The following YTHDC2 variants were observed in gnomAD, a reference collection of about 807,000 sequenced individuals.
The protein encoded by YTHDC2 is YTH N6-methyladenosine RNA binding protein C2.
Under a neutral mutation model 174.9 loss-of-function variants are expected in YTHDC2, and 45 were observed. That is an observed-to-expected ratio of 0.26 (90% CI 0.20 to 0.33). YTHDC2 has a LOEUF of 0.33. Among genes scored for constraint, YTHDC2 ranks in the 10% least tolerant of loss-of-function variants. The probability of loss-of-function intolerance (pLI) is 1.00; values close to 1 mark genes in which losing one functional copy is unlikely to be tolerated. For missense variants in YTHDC2, 1,650 were observed against 1,723.7 expected, an observed-to-expected ratio of 0.96 and a Z score of 0.76; for synonymous variants, 657 against 574.5, an observed-to-expected ratio of 1.14 and a Z score of -2.05.
At chr5:113,552,769 T>C (rs2112668694) in intron 12 of YTHDC2, among the ~76,000 whole-genome samples, 1 of 152,264 alleles carries the variant, frequency 6.6e-6, no homozygotes, top group African/African-American at 2.4e-5. Flanking sequence ...CCATTTTACA[T>C]TTCCACCAGC....
Position 113,541,018 on chromosome 5 carries a change from A to T in YTHDC2, c.1261A>T (p.Ser421Cys). 2 of 1,614,152 alleles carry T rather than the reference A, an allele frequency of 1.2e-6. No individual in the cohort carries two copies. Among genetic ancestry groups the T allele is most frequent in the Non-Finnish European group, 1.7e-6 (2 of 1,180,004 alleles). Reference sequence around the variant, plus strand: ...AGAATGGTACTCAGCTCAAGAAAATAGTTTCAAGCCTGAATCTCAGAGGCA... The same window carrying T: ...AGAATGGTACTCAGCTCAAGAAAATTGTTTCAAGCCTGAATCTCAGAGGCA... Reference protein sequence around the residue: ...LTEWYSAQENSFKPESQRQRT... With the variant: ...LTEWYSAQENCFKPESQRQRT... Residue 421 changes from serine to cysteine, a missense_variant, in exon 9 of 30, where the codon AGT becomes TGT. Physicochemically the swap from Ser to Cys is moderately radical, Grantham distance 112 (BLOSUM62 -1). Around this residue, in one of 5 missense-constraint regions of YTHDC2, gnomAD observed 411 missense variants for 380.6 expected, o/e 1.08. Transcript: ENST00000161863.
chr5:113,517,615 C>T, intron 2 of YTHDC2: 1 of 456,284 alleles, frequency 2.2e-6, no homozygotes, highest in South Asian at 1.5e-5. Flanking sequence ...CAAGGCAATC[C>T]TGCCTATTTA....
intron 12 of YTHDC2, among the ~76,000 whole-genome samples, chr5:113,551,942 C>T (rs1455839574): frequency 6.6e-6 from 1 of 152,020 alleles, no homozygotes; most frequent in Non-Finnish European, 1.5e-5. Flanking sequence ...GATGAAGAAG[C>T]AAGGCATTTA....
At chr5:113,529,018 A>G (rs1182494056) in intron 4 of YTHDC2, among the ~76,000 whole-genome samples, 2 of 150,662 alleles carry the variant, frequency 1.3e-5, no homozygotes, top group African/African-American at 4.9e-5. Context: ...ATAATTTTGC[A>G]TCTTGATTTT....
chr5:113,532,818 A>T lies in YTHDC2; in HGVS notation c.676-61A>T, dbSNP rs1243354415. 5.5e-6 allele frequency: 8 copies of T among 1,465,794 alleles called. No homozygotes were observed. The East Asian group carries it at 1.6e-4, about 30-fold the overall frequency. The allele number at this position is 1,465,794 out of a possible 1,614,324, so 90.8% of individuals were successfully genotyped here. A position where few individuals can be genotyped will look rare whatever the true frequency, so the allele number is the denominator to read the frequency against. On this transcript the variant is annotated intron_variant, in intron 4 of 29. Coordinates refer to ENST00000161863, the MANE Select transcript of YTHDC2 (RefSeq NM_022828.5). ...ATTCTAGTGGTTTTTCAGTTGATTC[A>T]CTTAGATTTTTTGTATTATGTGATC...
chr5:113,559,716 C>T (rs1430944822), intron 17 of YTHDC2, among the ~76,000 whole-genome samples: 2 of 152,200 alleles, frequency 1.3e-5, no homozygotes, highest in African/African-American at 4.8e-5. Context: ...TCTAGATCAA[C>T]TGCAGACAAG....
chr5:113,514,138 GC>G, intron 1 of YTHDC2, 56 bp downstream of exon 1: 1 of 1,559,740 alleles, frequency 6.4e-7, no homozygotes, highest in Non-Finnish European at 8.7e-7. Context: ...TCACCCCAGC[GC>G]CCCCCAAACG....
intron 2 of YTHDC2, among the ~76,000 whole-genome samples, chr5:113,520,464 C>G (rs1433549415): frequency 6.7e-6 from 1 of 150,282 alleles, no homozygotes; most frequent in African/African-American, 2.4e-5. Context: ...TGGGTTTTCC[C>G]AAGAATAAAG....
At chr5:113,548,896 C>G in intron 11 of YTHDC2, 59 bp from the exon 12 acceptor site, 1 of 1,511,416 alleles carries the variant, frequency 6.6e-7, no homozygotes, top group Non-Finnish European at 9.0e-7. Context: ...TGCCCAGGCT[C>G]ATCATGAACT....
At chr5:113,560,439 A>C (rs1487293189) in intron 17 of YTHDC2, among the ~76,000 whole-genome samples, 1 of 152,144 alleles carries the variant, frequency 6.6e-6, no homozygotes, top group Admixed American at 6.5e-5. Context: ...TTGATCAATA[A>C]TGTCAGATTT....
Position 113,535,745 on chromosome 5 carries a change from C to T in YTHDC2, c.1049C>T (p.Ala350Val). Reference sequence around the variant, plus strand: ...TTGAAACTAATTCTTTCTAGTGCTGCCTTGGATGTAAATCTCTTTATAAGA... The same window carrying T: ...TTGAAACTAATTCTTTCTAGTGCTGTCTTGGATGTAAATCTCTTTATAAGA... ...PTLKLILSSA[A>V]LDVNLFIRYF... is the part of the protein sequence containing the mutation. The change falls in exon 7 of 30, where the codon GCC (alanine) becomes GTC (valine). Residue 350 changes from alanine to valine, a missense_variant. Ala to Val is a moderately conservative substitution (Grantham distance 64). Around this residue, in one of 5 missense-constraint regions of YTHDC2, gnomAD observed 411 missense variants for 380.6 expected, o/e 1.08. Transcript: ENST00000161863. 1 of 1,613,328 alleles carries T rather than the reference C, an allele frequency of 6.2e-7. No homozygotes were observed. Among genetic ancestry groups the T allele is most frequent in the Non-Finnish European group, 8.5e-7 (1 of 1,179,646 alleles).
At position 113,513,880 on chromosome 5, in the gene YTHDC2, C is replaced by G. The variant is rs766807976; in HGVS notation, c.-16C>G. On this transcript the variant is annotated 5_prime_UTR_variant, in exon 1 of 30. Transcript: ENST00000161863. ...GCCTGGCCGCTCCCGTGCGGAGAGA[C>G]CATCTCTTCAGGGCAATGTCCAGGC... is the stretch of plus-strand genomic sequence containing the variant. The G allele has an allele frequency of 1.9e-6, 3 of 1,589,960 alleles. No individual in the cohort carries two copies. Among genetic ancestry groups the G allele is most frequent in the African/African-American group, 2.7e-5 (2 of 73,468 alleles).
chr5:113,581,420 G>C lies in YTHDC2; in HGVS notation c.3358G>C (p.Ala1120Pro), dbSNP rs1160940242. Residue 1120 changes from alanine to proline, a missense_variant, in exon 25 of 30, where the codon GCT becomes CCT. Transcript: ENST00000161863. ...WLHFTLEPEA[A>P]SLLLQLRQKW... ...GTATCTATTTGAACTATTACAGGCAGCTAGTTTATTGCTGCAGCTCAGACA... is the reference window on the plus strand; with the variant it reads ...GTATCTATTTGAACTATTACAGGCACCTAGTTTATTGCTGCAGCTCAGACA... The C allele has an allele frequency of 1.3e-6, 2 of 1,599,680 alleles. No homozygotes were observed. The highest frequency in any genetic ancestry group is 2.3e-5 in the South Asian group (2 of 88,722).
intron 6 of YTHDC2, 62 bp downstream of exon 6, chr5:113,534,469 C>T (rs575173158): frequency 2.1e-6 from 3 of 1,438,406 alleles, no homozygotes; most frequent in Admixed American, 1.7e-5. Context: ...AATACATATG[C>T]CGTTTCAGGA....
At chr5:113,544,388 A>C (rs1490876137) in intron 10 of YTHDC2, among the ~76,000 whole-genome samples, 1 of 152,006 alleles carries the variant, frequency 6.6e-6, no homozygotes, top group Non-Finnish European at 1.5e-5. Flanking sequence ...TGACCTTGTG[A>C]TCCGCCTGCC....
chr5:113,553,474 G>C, intron 13 of YTHDC2, 115 bp downstream of exon 13: 1 of 1,414,024 alleles, frequency 7.1e-7, no homozygotes, highest in Non-Finnish European at 9.6e-7. Context: ...ATAATCTCCT[G>C]TCATCTTATG....
intron 28 of YTHDC2, 68 bp downstream of exon 28, chr5:113,592,246 A>G: frequency 7.0e-7 from 1 of 1,419,350 alleles, no homozygotes; most frequent in Non-Finnish European, 9.4e-7. Context: ...CAGTGCTTTA[A>G]TTGAGGAGAA....
intron 27 of YTHDC2, among the ~76,000 whole-genome samples, chr5:113,591,630 A>G (rs1304606666): frequency 6.6e-6 from 1 of 152,162 alleles, no homozygotes; most frequent in Admixed American, 6.6e-5. Flanking sequence ...GACTTAATGT[A>G]TACCTGAATT....
chr5:113,563,826 A>G, intron 19 of YTHDC2, 33 bp from the exon 20 acceptor site: 1 of 1,609,224 alleles, frequency 6.2e-7, no homozygotes, highest in Non-Finnish European at 8.5e-7. Flanking sequence ...CAGTTTGCTC[A>G]CATCAAAGTC....
Sources: gnomAD v4.1 joint callset for allele counts (sites outside exome capture counted in the v4.1 genomes callset) on GRCh38, gnomAD v4.1.1 for gene constraint, gnomAD v4.1.1 regional missense constraint, MANE v1.5 for transcripts, NCBI Gene and HGNC (gene_info 2026-07-23, HGNC 2026-07-21) for gene names.